The following LINGO2 variants were observed in gnomAD, a reference collection of about 807,000 sequenced individuals.
The protein encoded by LINGO2 is leucine rich repeat and Ig domain containing 2.
Under a neutral mutation model 30.6 loss-of-function variants are expected in LINGO2, and 14 were observed. That is an observed-to-expected ratio of 0.46 (90% CI 0.30 to 0.72). LINGO2 has a LOEUF of 0.72. LINGO2 is among the 30% of genes least tolerant of loss of function. LINGO2 has a pLI of 0.07. For missense variants in LINGO2, 729 were observed against 751.7 expected (o/e 0.97, Z 0.35); for synonymous variants, 317 against 288.5 (o/e 1.10, Z -1.00).
At chr9:28,211,377 A>G (rs1820587183) in intron 4 of LINGO2, among the ~76,000 whole-genome samples, 1 of 150,890 alleles carries the variant, frequency 6.6e-6, no homozygotes, top group Non-Finnish European at 1.5e-5. Context: ...AGCACCTGTT[A>G]AATTGTGTAC....
chr9:28,080,489 T>C (rs1825743132), intron 4 of LINGO2: 1 of 152,248 alleles, frequency 6.6e-6, no homozygotes, highest in South Asian at 2.1e-4. Flanking sequence ...TGTTTTCTTC[T>C]TGTCATTTGC....
intron 1 of LINGO2, among the ~76,000 whole-genome samples, chr9:28,595,090 G>A (rs1825111513): frequency 6.6e-6 from 1 of 151,976 alleles, no homozygotes; most frequent in African/African-American, 2.4e-5. Flanking sequence ...TTGGCTCTAG[G>A]AAATCAATTA....
intron 4 of LINGO2, among the ~76,000 whole-genome samples, chr9:28,219,079 C>T (rs1020325204): frequency 3.9e-5 from 6 of 152,068 alleles, no homozygotes; most frequent in South Asian, 2.1e-4. Flanking sequence ...CATTTGCAGC[C>T]GGATTAGCTT....
intron 1 of LINGO2, among the ~76,000 whole-genome samples, chr9:28,668,129 T>C (rs1405493658): frequency 1.3e-5 from 2 of 152,098 alleles, no homozygotes; most frequent in African/African-American, 2.4e-5. Flanking sequence ...CCACCAAAGA[T>C]TTTGAGAAAA....
chr9:28,556,225 A>G (rs1405580832), intron 1 of LINGO2, among the ~76,000 whole-genome samples: 1 of 152,118 alleles, frequency 6.6e-6, no homozygotes, highest in African/African-American at 2.4e-5. Context: ...TGCAGACGAC[A>G]TGATTGTATA....
chr9:27,979,396 T>C (rs16912193), intron 5 of LINGO2, among the ~76,000 whole-genome samples: 5,743 of 152,058 alleles, frequency 0.038, 342 homozygotes, highest in African/African-American at 0.13. Context: ...AGGGTTGGTA[T>C]ACTCCTGGGT....
At chr9:28,288,661 G>T (rs766290575) in intron 4 of LINGO2, among the ~76,000 whole-genome samples, 3 of 152,140 alleles carry the variant, frequency 2.0e-5, no homozygotes, top group South Asian at 2.1e-4. Context: ...CTTTTAAAAA[G>T]TGTTTAGAGG....
chr9:28,476,979 A>G (rs1457888768), intron 1 of LINGO2, among the ~76,000 whole-genome samples: 1 of 152,186 alleles, frequency 6.6e-6, no homozygotes, highest in Non-Finnish European at 1.5e-5. Flanking sequence ...TTCTTGATCA[A>G]TCATTTCCTT....
intron 4 of LINGO2, among the ~76,000 whole-genome samples, chr9:28,036,404 GATT>G (rs1176965193): frequency 3.3e-5 from 5 of 152,166 alleles, no homozygotes; most frequent in Non-Finnish European, 5.9e-5. Context: ...AAGTTAGCTG[GATT>G]ATTGTGGGTC....
intron 4 of LINGO2, among the ~76,000 whole-genome samples, chr9:28,031,005 G>A (rs1823640405): frequency 6.6e-6 from 1 of 152,046 alleles, no homozygotes; most frequent in Non-Finnish European, 1.5e-5. Flanking sequence ...TGAGAACAAG[G>A]ATTTAAATGA....
At chr9:29,123,251 T>TC in the LINGO2 span, among the ~76,000 whole-genome samples, 1 of 151,902 alleles carries the variant, frequency 6.6e-6, no homozygotes, top group Non-Finnish European at 1.5e-5. Context: ...TCATATATAT[T>TC]CCCCGAGACA....
the LINGO2 span, among the ~76,000 whole-genome samples, chr9:29,129,560 A>G: frequency 7.5e-3 from 1,148 of 152,150 alleles, 9 homozygotes; most frequent in Non-Finnish European, 8.9e-3. Context: ...GCTTCAGTAA[A>G]ATTTAAGGTT....
the LINGO2 span, among the ~76,000 whole-genome samples, chr9:29,191,964 T>C: frequency 1.3e-5 from 2 of 152,082 alleles, no homozygotes; most frequent in African/African-American, 4.8e-5. Context: ...TATCTCCAGG[T>C]AATTTTATTC....
chr9:28,865,521 G>A, the LINGO2 span, among the ~76,000 whole-genome samples: 2 of 152,110 alleles, frequency 1.3e-5, no homozygotes, highest in Middle Eastern at 3.2e-3. Context: ...GGTGGTTCAC[G>A]TCTGTAATCC....
the LINGO2 span, among the ~76,000 whole-genome samples, chr9:28,949,804 C>G: frequency 6.6e-5 from 10 of 152,156 alleles, no homozygotes; most frequent in African/African-American, 2.4e-4. Flanking sequence ...AGAGACACAA[C>G]AAGAAAAAAG....
chr9:28,481,425 T>C (rs1825958867), intron 1 of LINGO2, among the ~76,000 whole-genome samples: 1 of 152,038 alleles, frequency 6.6e-6, no homozygotes, highest in South Asian at 2.1e-4. Flanking sequence ...ATTAGCCACT[T>C]CTTTAAATAC....
At chr9:28,684,488 CTT>C in the LINGO2 span, among the ~76,000 whole-genome samples, 2 of 131,006 alleles carry the variant, frequency 1.5e-5, no homozygotes, top group Non-Finnish European at 1.7e-5. Flanking sequence ...CGCGCCCAGC[CTT>C]TTTTTTTTTT....
intron 4 of LINGO2, among the ~76,000 whole-genome samples, chr9:28,076,763 C>T (rs1825635297): frequency 6.6e-6 from 1 of 152,074 alleles, no homozygotes; most frequent in South Asian, 2.1e-4. Context: ...CTTTGGAGCA[C>T]ATTAAAGGTC....
At chr9:28,250,229 C>T (rs892839966) in intron 4 of LINGO2, among the ~76,000 whole-genome samples, 1 of 152,166 alleles carries the variant, frequency 6.6e-6, no homozygotes, top group Non-Finnish European at 1.5e-5. Context: ...TCAAAATATG[C>T]ACAGAGAGAC....
Sources: allele counts gnomAD v4.1 joint callset (sites outside exome capture counted in the v4.1 genomes callset), GRCh38; gene constraint gnomAD v4.1.1; transcripts MANE v1.5; gene names NCBI Gene and HGNC (gene_info 2026-07-23, HGNC 2026-07-21).